ELOVL7: variants seen among roughly 807,000 people sequenced by gnomAD.
ELOVL7 encodes ELOVL fatty acid elongase 7.
A neutral mutation model predicts 35.7 loss-of-function variants in ELOVL7; 27 were observed. The observed-to-expected ratio is 0.76, with a 90% confidence interval of 0.56 to 1.04. ELOVL7 has a LOEUF of 1.04. ELOVL7 is among the 50% of genes least tolerant of loss of function. The pLI is 0.00. For synonymous variants in ELOVL7, 113 were observed against 114.6 expected (o/e 0.99, Z 0.09); for missense variants, 327 against 340.8 (o/e 0.96, Z 0.32).
chr5:60,765,477 T>C (rs1040774351), intron 6 of ELOVL7, among the ~76,000 whole-genome samples: 4 of 152,182 alleles, frequency 2.6e-5, no homozygotes, highest in African/African-American at 9.7e-5. Context: ...GTTTTTGTCG[T>C]CGTTGTTTTC....
At chr5:60,784,789 G>A (rs112446185) in intron 3 of ELOVL7, among the ~76,000 whole-genome samples, 4,209 of 152,214 alleles carry the variant, frequency 0.028, 156 homozygotes, top group African/African-American at 0.077. Flanking sequence ...GCCTGACAGC[G>A]TTTTTTATAA....
chr5:60,839,947 C>T (rs1274181244), intron 1 of ELOVL7, among the ~76,000 whole-genome samples: 1 of 151,574 alleles, frequency 6.6e-6, no homozygotes, highest in South Asian at 2.1e-4. Context: ...CTGCGGAAAG[C>T]CATGACTGTG....
intron 3 of ELOVL7, among the ~76,000 whole-genome samples, chr5:60,773,672 G>A (rs1425577879): frequency 6.6e-6 from 1 of 152,124 alleles, no homozygotes; most frequent in Non-Finnish European, 1.5e-5. Flanking sequence ...AGGGAAGGAA[G>A]AGATCTTCAA....
chr5:60,819,155 G>A (rs1275761542), intron 1 of ELOVL7, among the ~76,000 whole-genome samples: 1 of 138,178 alleles, frequency 7.2e-6, no homozygotes, highest in Non-Finnish European at 1.6e-5. Context: ...GCTTGATATA[G>A]ACCTCAATAT....
At chr5:60,835,505 G>A (rs1243054917) in intron 1 of ELOVL7, among the ~76,000 whole-genome samples, 6 of 151,826 alleles carry the variant, frequency 4.0e-5, no homozygotes, top group Non-Finnish European at 5.9e-5. Flanking sequence ...TCGACCTCCT[G>A]GACTTAAGGG....
chr5:60,810,093 T>C (rs767214213), intron 1 of ELOVL7, among the ~76,000 whole-genome samples: 4 of 152,254 alleles, frequency 2.6e-5, no homozygotes, highest in Non-Finnish European at 5.9e-5. Flanking sequence ...CTTGCCTGCC[T>C]GCTTTGCATT....
intron 3 of ELOVL7, among the ~76,000 whole-genome samples, 186 bp from the exon 4 acceptor site, chr5:60,772,279 A>G (rs1176481496): frequency 6.6e-6 from 1 of 152,158 alleles, no homozygotes. Flanking sequence ...CTGGGGCTAG[A>G]AACAGTGGGA....
intron 1 of ELOVL7, among the ~76,000 whole-genome samples, chr5:60,800,055 G>T: frequency 1.4e-5 from 1 of 69,712 alleles, no homozygotes; most frequent in South Asian, 4.2e-4. Context: ...AAAAAAAAAA[G>T]TATAACTAAT....
intron 8 of ELOVL7, 40 bp from the exon 9 acceptor site, chr5:60,754,873 AAG>A: frequency 6.4e-7 from 1 of 1,560,990 alleles, no homozygotes; most frequent in Non-Finnish European, 8.8e-7. Context: ...TTCAGATATG[AAG>A]AGTTAACAAT....
intron 1 of ELOVL7, among the ~76,000 whole-genome samples, chr5:60,827,865 T>C (rs939722731): frequency 6.6e-6 from 1 of 152,140 alleles, no homozygotes; most frequent in Non-Finnish European, 1.5e-5. Flanking sequence ...GCCCCAACCT[T>C]GGCCTCCCAT....
intron 1 of ELOVL7, among the ~76,000 whole-genome samples, chr5:60,804,312 A>C (rs1001691047): frequency 6.6e-6 from 1 of 152,182 alleles, no homozygotes; most frequent in African/African-American, 2.4e-5. Context: ...CTCTGGTCCT[A>C]ACTCATCATT....
intron 3 of ELOVL7, among the ~76,000 whole-genome samples, chr5:60,783,392 C>T (rs1743376551): frequency 6.6e-6 from 1 of 152,202 alleles, no homozygotes; most frequent in African/African-American, 2.4e-5. Context: ...ATTAGGATGA[C>T]ACCCATGACT....
chr5:60,785,469 T>C (rs1870682), intron 3 of ELOVL7, among the ~76,000 whole-genome samples: 26,706 of 152,116 alleles, frequency 0.18, 4,001 homozygotes, highest in African/African-American at 0.41. Flanking sequence ...TATTTGAGTC[T>C]CTTGGATTCT....
rs542664689 is a variant in ELOVL7, at chr5:60,795,265, C to G, written c.-35+3915G>C. On this transcript the variant is annotated intron_variant, in intron 2 of 8. Coordinates refer to ENST00000508821, the MANE Select transcript of ELOVL7 (RefSeq NM_024930.3). Reference sequence around the variant, plus strand: ...GACAGGACTAGCTGGACTTCCTAGGCCGACTAAGAATTCCTAAGCCTAGCT... The same window carrying G: ...GACAGGACTAGCTGGACTTCCTAGGGCGACTAAGAATTCCTAAGCCTAGCT... 5.3e-5 allele frequency among the ~76,000 whole-genome samples: 8 copies of G among 152,210 alleles called. No individual in the cohort carries two copies. In the South Asian group the frequency reaches 1.5e-3, roughly 28 times the overall value.
chr5:60,831,724 A>T (rs561983110), intron 1 of ELOVL7, among the ~76,000 whole-genome samples: 194 of 152,344 alleles, frequency 1.3e-3, no homozygotes, highest in African/African-American at 4.5e-3. Flanking sequence ...ATTAGGGCCA[A>T]TTTGATAAAT....
chr5:60,791,891 T>G (rs1743959234), intron 2 of ELOVL7, among the ~76,000 whole-genome samples: 1 of 152,192 alleles, frequency 6.6e-6, no homozygotes, highest in Non-Finnish European at 1.5e-5. Flanking sequence ...AAAGTATTAT[T>G]CTGTATCTGT....
In ELOVL7 at chr5:60,754,531, T is replaced by C; in HGVS notation, c.*93A>G. On this transcript the variant is annotated 3_prime_UTR_variant, in exon 9 of 9. Transcript: ENST00000508821. ...CCATAAAAATACAAGCTCTTAGTTT[T>C]GAAAAATATACAAAATGCACTGCAT... 1 of 1,175,206 alleles carries C rather than the reference T, an allele frequency of 8.5e-7. No homozygotes were observed. Among genetic ancestry groups the C allele is most frequent in the Non-Finnish European group, 1.2e-6 (1 of 826,232 alleles). 72.8% of individuals were successfully genotyped at this position (1,175,206 alleles called of 1,614,324 possible). A position where few individuals can be genotyped will look rare whatever the true frequency, so the allele number is the denominator to read the frequency against.
At chr5:60,828,172 C>G (rs772729386) in intron 1 of ELOVL7, among the ~76,000 whole-genome samples, 2 of 152,240 alleles carry the variant, frequency 1.3e-5, no homozygotes, top group South Asian at 4.1e-4. Context: ...GCTTCATTAA[C>G]AGGACCCCTT....
In ELOVL7 at chr5:60,754,603, A is replaced by G. The variant is rs752597479; in HGVS notation, c.*21T>C. 1 of 1,606,572 alleles carries G rather than the reference A, an allele frequency of 6.2e-7. No individual in the cohort carries two copies. The highest frequency in any genetic ancestry group is 1.7e-5 in the Admixed American group (1 of 59,994). On this transcript the variant is annotated 3_prime_UTR_variant, in exon 9 of 9. Transcript: ENST00000508821. ...CAAGGAAGACAATGTATCAGTTTCGATCATAGACTTATGTTGGGCTTCAAT... is the reference window on the plus strand; with the variant it reads ...CAAGGAAGACAATGTATCAGTTTCGGTCATAGACTTATGTTGGGCTTCAAT...
Sources: gnomAD v4.1 joint callset for allele counts (sites outside exome capture counted in the v4.1 genomes callset) on GRCh38, gnomAD v4.1.1 for gene constraint, MANE v1.5 for transcripts, NCBI Gene and HGNC (gene_info 2026-07-23, HGNC 2026-07-21) for gene names.